The following NIBAN1 variants were observed in gnomAD, a reference collection of about 807,000 sequenced individuals.
NIBAN1 encodes niban apoptosis regulator 1, also known as protein Niban 1.
In NIBAN1, 81 loss-of-function variants were observed where a neutral mutation model predicts 75.1. The observed-to-expected ratio is 1.08, with a 90% CI of 0.90 to 1.30. The LOEUF (loss-of-function observed/expected upper bound fraction) is 1.30, where lower values mean the gene tolerates loss of function less well. Among genes scored for constraint, NIBAN1 ranks in the 50% most tolerant of loss-of-function variants. NIBAN1 has a pLI of 0.00. For missense variants in NIBAN1, 1,133 were observed against 1,128.1 expected, an observed-to-expected ratio of 1.00 and a Z score of -0.06; for synonymous variants, 436 against 424.8, an observed-to-expected ratio of 1.03 and a Z score of -0.32.
intron 1 of NIBAN1, among the ~76,000 whole-genome samples, chr1:184,939,519 T>C (rs1390831365): frequency 6.6e-6 from 1 of 152,224 alleles, no homozygotes; most frequent in Non-Finnish European, 1.5e-5. Context: ...AAGCAGAATT[T>C]AGTTCCCTTT....
intron 5 of NIBAN1, among the ~76,000 whole-genome samples, chr1:184,835,089 T>C (rs1655101995): frequency 6.6e-6 from 1 of 152,252 alleles, no homozygotes; most frequent in South Asian, 2.1e-4. Context: ...GCACCATTTA[T>C]TAAATAGGGA....
chr1:184,933,848 G>A (rs912851782), intron 1 of NIBAN1, among the ~76,000 whole-genome samples: 4 of 152,238 alleles, frequency 2.6e-5, no homozygotes, highest in Admixed American at 2.6e-4. Context: ...CTCAAAGAAT[G>A]TTTCATAAGA....
At chr1:184,893,879 A>G (rs1323605048) in intron 3 of NIBAN1, among the ~76,000 whole-genome samples, 196 bp downstream of exon 3, 2 of 152,216 alleles carry the variant, frequency 1.3e-5, no homozygotes, top group Non-Finnish European at 2.9e-5. Context: ...TGCAGTAGGC[A>G]TTCAATCAGT....
intron 1 of NIBAN1, among the ~76,000 whole-genome samples, chr1:184,920,093 C>T (rs112516128): frequency 0.011 from 1,643 of 152,134 alleles, 19 homozygotes; most frequent in African/African-American, 0.02. Context: ...GTTTGAGCCT[C>T]CAACTGGAGG....
Position 184,808,109 on chromosome 1 carries a change from G to C in NIBAN1, c.1300C>G (p.Leu434Val), listed in dbSNP as rs756933296. ...TAGTTCTGTGTCCTCTGAACCACCA[G>C]ATCAATGTGGGGGAATCTGAAGCGG... is the stretch of plus-strand genomic sequence containing the variant. ...KSRFRFPHID[L>V]VVQRTQNYMQ... The change falls in exon 10 of 14, where the codon CTG (leucine) becomes GTG (valine). Residue 434 changes from leucine to valine, a missense_variant. Transcript: ENST00000367511. 2 of 1,614,020 alleles carry C rather than the reference G, an allele frequency of 1.2e-6. No homozygotes were observed. Among genetic ancestry groups the C allele is most frequent in the African/African-American group, 1.3e-5 (1 of 75,008 alleles).
intron 5 of NIBAN1, among the ~76,000 whole-genome samples, chr1:184,859,478 A>T (rs2102273776): frequency 6.6e-6 from 1 of 152,272 alleles, no homozygotes; most frequent in Non-Finnish European, 1.5e-5. Flanking sequence ...CAGCTCTGGC[A>T]TCATTATTTG....
At chr1:184,905,315 T>G (rs1422827362) in intron 1 of NIBAN1, among the ~76,000 whole-genome samples, 1 of 152,182 alleles carries the variant, frequency 6.6e-6, no homozygotes, top group Non-Finnish European at 1.5e-5. Flanking sequence ...GACACTCTTT[T>G]GAAAGTCATA....
chr1:184,944,548 T>C (rs1055571220), intron 1 of NIBAN1, among the ~76,000 whole-genome samples: 1 of 152,250 alleles, frequency 6.6e-6, no homozygotes, highest in African/African-American at 2.4e-5. Flanking sequence ...AATGCAGGAA[T>C]GGACTTTGGG....
chr1:184,807,917 C>G, intron 10 of NIBAN1, 157 bp downstream of exon 10: 1 of 744,406 alleles, frequency 1.3e-6, no homozygotes, highest in Non-Finnish European at 2.3e-6. Context: ...GAAGATGAAG[C>G]CAGTGGAGGG....
At chr1:184,938,360 G>A (rs112028929) in intron 1 of NIBAN1, among the ~76,000 whole-genome samples, 1,625 of 152,184 alleles carry the variant, frequency 0.011, 29 homozygotes, top group African/African-American at 0.038. Flanking sequence ...AGAGGGAAGA[G>A]ATAAGGATGG....
At position 184,795,000 on chromosome 1, in the gene NIBAN1, G is replaced by T; in HGVS notation, c.2764C>A (p.Pro922Thr). The T allele has an allele frequency of 1.2e-6, 2 of 1,611,502 alleles. No individual in the cohort carries two copies. The highest frequency in any genetic ancestry group is 8.5e-7 in the Non-Finnish European group (1 of 1,180,016). Residue 922 changes from proline to threonine, a missense_variant, in exon 14 of 14, where the codon CCA becomes ACA. By Grantham distance (38) the Pro-to-Thr change is conservative. Transcript: ENST00000367511. The part of the protein sequence containing the change: ...KEGEGGQESF[P>T]ELPSEE ...TTTCACTCCTCTGAGGGCAGCTCTGGGAAACTCTCCTGACCACCTTCTCCC... is the reference window on the plus strand; with the variant it reads ...TTTCACTCCTCTGAGGGCAGCTCTGTGAAACTCTCCTGACCACCTTCTCCC...
chr1:184,941,644 C>A (rs1387583163), intron 1 of NIBAN1, among the ~76,000 whole-genome samples: 4 of 147,254 alleles, frequency 2.7e-5, no homozygotes, highest in African/African-American at 1.0e-4. Context: ...CAAAGCAAGA[C>A]CCTGTCTCAA....
chr1:184,794,784 C>A lies in NIBAN1; in HGVS notation c.*193G>T, dbSNP rs985541070. 4.3e-6 allele frequency: 3 copies of A among 697,052 alleles called. No individual in the cohort carries two copies. Among genetic ancestry groups the A allele is most frequent in the African/African-American group, 3.6e-5 (2 of 55,742 alleles). 43.2% of individuals were successfully genotyped at this position (697,052 alleles called of 1,614,324 possible). A position where few individuals can be genotyped will look rare whatever the true frequency, so the allele number is the denominator to read the frequency against. On this transcript the variant is annotated 3_prime_UTR_variant, in exon 14 of 14. Coordinates refer to ENST00000367511, the MANE Select transcript of NIBAN1 (RefSeq NM_052966.4). Reference sequence around the variant, plus strand: ...TTATTAAAATACTAAAGCAAAAATTCATCGTAGAACAATTCATGTCCACAA... The same window carrying A: ...TTATTAAAATACTAAAGCAAAAATTAATCGTAGAACAATTCATGTCCACAA...
intron 1 of NIBAN1, among the ~76,000 whole-genome samples, chr1:184,963,784 C>T (rs908371207): frequency 1.3e-5 from 2 of 152,092 alleles, no homozygotes; most frequent in Admixed American, 6.5e-5. Context: ...AGAGATGTGC[C>T]ATACTAAGGT....
chr1:184,861,258 C>T (rs1298047190), intron 5 of NIBAN1, among the ~76,000 whole-genome samples: 1 of 152,234 alleles, frequency 6.6e-6, no homozygotes, highest in Non-Finnish European at 1.5e-5. Flanking sequence ...TTGCCACGTT[C>T]ACAGATTCCT....
intron 9 of NIBAN1, among the ~76,000 whole-genome samples, chr1:184,809,550 C>T (rs1166058763): frequency 6.6e-6 from 1 of 151,374 alleles, no homozygotes; most frequent in East Asian, 1.9e-4. Context: ...TTCAACCTGG[C>T]TATCTTGTCT....
chr1:184,899,417 C>A (rs1022933290), intron 1 of NIBAN1, 108 bp from the exon 2 acceptor site: 1 of 1,180,170 alleles, frequency 8.5e-7, no homozygotes, highest in South Asian at 1.4e-5. Flanking sequence ...TCCCTCCAGT[C>A]ACCCCTGTTT....
intron 1 of NIBAN1, among the ~76,000 whole-genome samples, chr1:184,910,276 G>A (rs918799713): frequency 2.0e-5 from 3 of 152,102 alleles, no homozygotes. Context: ...GAGTTCATTT[G>A]GATGGTAGCA....
At position 184,829,680 on chromosome 1, in the gene NIBAN1, C is replaced by A. The variant is rs575922046; in HGVS notation, c.717+2167G>T. 9.9e-5 allele frequency among the ~76,000 whole-genome samples: 15 copies of A among 151,990 alleles called. No individual in the cohort carries two copies. The South Asian group carries it at 2.1e-3, about 21-fold the overall frequency. ...ACAGGGTTTCACTGTGTTGGCCAGG[C>A]TGGTCTCGAACTCCTGGTCTTGTGA... On this transcript the variant is annotated intron_variant, in intron 6 of 13. Coordinates refer to ENST00000367511, the MANE Select transcript of NIBAN1 (RefSeq NM_052966.4).
Sources: gnomAD v4.1 joint callset for allele counts (sites outside exome capture counted in the v4.1 genomes callset) on GRCh38, gnomAD v4.1.1 for gene constraint, MANE v1.5 for transcripts, NCBI Gene and HGNC (gene_info 2026-07-23, HGNC 2026-07-21) for gene names.